The following PIK3R5 variants were observed in gnomAD, a reference collection of about 807,000 sequenced individuals.
The protein encoded by PIK3R5 is phosphoinositide 3-kinase regulatory subunit 5.
A neutral mutation model predicts 94.9 loss-of-function variants in PIK3R5; 32 were observed. That is an observed-to-expected ratio of 0.34 (90% CI 0.25 to 0.45). The LOEUF (loss-of-function observed/expected upper bound fraction) is 0.45. PIK3R5 is among the 20% of genes least tolerant of loss of function. PIK3R5 has a pLI of 1.00. For synonymous variants in PIK3R5, 443 were observed against 479.4 expected, an observed-to-expected ratio of 0.92 and a Z score of 0.99; for missense variants, 853 against 1,144.6, an observed-to-expected ratio of 0.75 and a Z score of 3.68.
Position 8,909,006 on chromosome 17 carries a change from T to A in PIK3R5, c.204+68A>T. The stretch of plus-strand genomic sequence containing the variant: ...CCAGGCACCCAGGAATGATGTTCTC[T>A]GGGACCTATTTCTCCACTCTACGAG... On this transcript the variant is annotated intron_variant, in intron 3 of 18. Transcript: ENST00000447110. This position sits in a 1 kb window ranked among gnomAD's most constrained non-coding sequence, Gnocchi z 4.3. 1.0e-6 allele frequency: 1 copy of A among 961,620 alleles called. No homozygotes were observed. Among genetic ancestry groups the A allele is most frequent in the South Asian group, 1.4e-5 (1 of 71,392 alleles). 59.6% of individuals were successfully genotyped at this position (961,620 alleles called of 1,614,324 possible).
At chr17:8,905,937 G>A (rs117474842) in intron 3 of PIK3R5, among the ~76,000 whole-genome samples, 200 bp from the exon 4 acceptor site, 1 of 151,576 alleles carries the variant, frequency 6.6e-6, no homozygotes, top group East Asian at 1.9e-4. Flanking sequence ...CCCAACCACA[G>A]CTGTTTCAAT....
intron 1 of PIK3R5, among the ~76,000 whole-genome samples, chr17:8,924,115 G>T (rs904506637): frequency 7.6e-6 from 1 of 130,908 alleles, no homozygotes; most frequent in South Asian, 2.4e-4. Context: ...GTCTTGCTCT[G>T]CCTCCCAGGC....
Position 8,940,986 on chromosome 17 carries a change from G to A in PIK3R5, c.-14+24610C>T, listed in dbSNP as rs1159264212. Reference sequence around the variant, plus strand: ...CATCCCCGCTCCTCTCTCAGCCTCAGTGTTCCAGTGGGTAAAGAAATGAGG... The same window carrying A: ...CATCCCCGCTCCTCTCTCAGCCTCAATGTTCCAGTGGGTAAAGAAATGAGG... On this transcript the variant is annotated intron_variant, in intron 1 of 18. Transcript: ENST00000447110. Among the ~76,000 whole-genome samples the A allele has an allele frequency of 2.0e-5, 3 of 152,152 alleles. No homozygotes were observed. In the East Asian group the frequency reaches 5.8e-4, roughly 29 times the overall value.
At chr17:8,920,582 T>C (rs1037172415) in intron 1 of PIK3R5, among the ~76,000 whole-genome samples, 6 of 152,236 alleles carry the variant, frequency 3.9e-5, no homozygotes, top group Admixed American at 3.9e-4. Flanking sequence ...AAGGCTATTT[T>C]TGGAATCCCT....
chr17:8,899,002 T>C (rs2090216629), intron 5 of PIK3R5, among the ~76,000 whole-genome samples: 1 of 152,274 alleles, frequency 6.6e-6, no homozygotes, highest in Admixed American at 6.5e-5. Context: ...GCGGTTTGCA[T>C]GTAAGATGCC....
At chr17:8,908,533 AC>A (rs2090445300) in intron 3 of PIK3R5, among the ~76,000 whole-genome samples, 1 of 113,928 alleles carries the variant, frequency 8.8e-6, no homozygotes, top group African/African-American at 3.7e-5. Flanking sequence ...TAATTAAAAC[AC>A]ACACACACAC....
intron 1 of PIK3R5, among the ~76,000 whole-genome samples, chr17:8,953,637 C>A (rs540363771): frequency 6.6e-6 from 1 of 152,328 alleles, no homozygotes; most frequent in South Asian, 2.1e-4. Flanking sequence ...CTTCAGAAGT[C>A]AGGTGGTAAG....
chr17:8,880,197 C>T lies in PIK3R5; in HGVS notation c.*442G>A, dbSNP rs1161467952. 6.4e-6 allele frequency: 1 copy of T among 156,890 alleles called. No homozygotes were observed. The highest frequency in any genetic ancestry group is 1.4e-5 in the Non-Finnish European group (1 of 71,578). The allele number at this position is 156,890 out of a possible 1,614,324, so 9.7% of individuals were successfully genotyped here. The stretch of plus-strand genomic sequence containing the variant: ...TCATCCACATTTCAATCACCTGAGC[C>T]CCACAGAGGAGGGGACTGAACTCCA... On this transcript the variant is annotated 3_prime_UTR_variant, in exon 19 of 19. Transcript: ENST00000447110.
rs1396039256 is a variant in PIK3R5 at position 8,893,429 on chromosome 17, G to A, written c.482+157C>T. ...CACAAAATATCACCAGCAGTGCCAG[G>A]GGGTTCCCAGTTCCCTGGAAGCCTG... On this transcript the variant is annotated intron_variant, in intron 6 of 18. Transcript: ENST00000447110. This position sits in a 1 kb window ranked among gnomAD's most constrained non-coding sequence, Gnocchi z 5.1. 6.6e-6 allele frequency among the ~76,000 whole-genome samples: 1 copy of A among 152,166 alleles called. No homozygotes were observed. Among genetic ancestry groups the A allele is most frequent in the Non-Finnish European group, 1.5e-5 (1 of 68,026 alleles).
intron 1 of PIK3R5, among the ~76,000 whole-genome samples, chr17:8,922,207 A>C (rs1243643706): frequency 6.6e-6 from 1 of 151,886 alleles, no homozygotes; most frequent in African/African-American, 2.4e-5. Flanking sequence ...GAGGAAGGTA[A>C]TTATTGAGTG....
At chr17:8,895,231 T>C (rs1425119543) in intron 5 of PIK3R5, among the ~76,000 whole-genome samples, 5 of 152,256 alleles carry the variant, frequency 3.3e-5, no homozygotes, top group African/African-American at 1.2e-4. Flanking sequence ...ATTCCCCATC[T>C]CCCTGACCAT....
intron 1 of PIK3R5, among the ~76,000 whole-genome samples, chr17:8,920,499 T>G (rs965523573): frequency 6.6e-6 from 1 of 152,228 alleles, no homozygotes; most frequent in East Asian, 1.9e-4. Context: ...AGGATAATCA[T>G]GCATCCCTCT....
At chr17:8,952,828 CA>C (rs1358732742) in intron 1 of PIK3R5, among the ~76,000 whole-genome samples, 6 of 152,078 alleles carry the variant, frequency 3.9e-5, no homozygotes, top group Admixed American at 6.5e-5. Context: ...TTTGAAAATG[CA>C]GGAAAGGTAG....
chr17:8,960,736 C>A lies in PIK3R5; in HGVS notation c.-14+4860G>T, dbSNP rs969439543. Among the ~76,000 whole-genome samples, 33 of 152,166 alleles carry A rather than the reference C, an allele frequency of 2.2e-4. 1 individual carries two copies. Among genetic ancestry groups the A allele is most frequent in the Non-Finnish European group, 5.9e-5 (4 of 68,020 alleles). Reference sequence around the variant, plus strand: ...CCACCTTCAGCCCTCACACCCCAGCCCTGCACTCTAACAAGGAAACCACAC... The same window carrying A: ...CCACCTTCAGCCCTCACACCCCAGCACTGCACTCTAACAAGGAAACCACAC... On this transcript the variant is annotated intron_variant, in intron 1 of 18. Coordinates refer to ENST00000447110, the MANE Select transcript of PIK3R5 (RefSeq NM_001142633.3).
In PIK3R5 at chr17:8,892,648, A is replaced by G. The variant is rs1313058597; in HGVS notation, c.482+938T>C. On this transcript the variant is annotated intron_variant, in intron 6 of 18. Coordinates refer to ENST00000447110, the MANE Select transcript of PIK3R5 (RefSeq NM_001142633.3). This position sits in a 1 kb window ranked among gnomAD's most constrained non-coding sequence, Gnocchi z 4.3. ...CCCAGAGGAATCTTATTTACTTACT[A>G]AACTACAACATTTTAGCATCCTTTC... Among the ~76,000 whole-genome samples, 2 of 152,178 alleles carry G rather than the reference A, an allele frequency of 1.3e-5. No individual in the cohort carries two copies. The highest frequency in any genetic ancestry group is 1.3e-4 in the Admixed American group (2 of 15,280).
chr17:8,912,123 G>C (rs376881435), intron 1 of PIK3R5: 1 of 152,430 alleles, frequency 6.6e-6, no homozygotes, highest in Non-Finnish European at 1.5e-5. Flanking sequence ...GACCTTCCCT[G>C]CCCTCCTTCC....
chr17:8,907,656 G>C (rs2090426301), intron 3 of PIK3R5, among the ~76,000 whole-genome samples: 1 of 151,102 alleles, frequency 6.6e-6, no homozygotes, highest in Non-Finnish European at 1.5e-5. Context: ...GAGAGAGAGA[G>C]AGAAATAGGG....
In PIK3R5 at chr17:8,899,040, A is replaced by G. The variant is rs141587964; in HGVS notation, c.413-5385T>C. 2.0e-5 allele frequency among the ~76,000 whole-genome samples: 3 copies of G among 152,342 alleles called. No homozygotes were observed. In the East Asian group the frequency reaches 5.8e-4, roughly 29 times the overall value. On this transcript the variant is annotated intron_variant, in intron 5 of 18. Transcript: ENST00000447110. ...ATGTCATCCCCCAGGTTTACAGGTAAATTCTTTGCAGGAAAGTATTGTGGT... is the reference window on the plus strand; with the variant it reads ...ATGTCATCCCCCAGGTTTACAGGTAGATTCTTTGCAGGAAAGTATTGTGGT...
At chr17:8,942,517 G>A (rs1001899720) in intron 1 of PIK3R5, among the ~76,000 whole-genome samples, 1 of 152,160 alleles carries the variant, frequency 6.6e-6, no homozygotes, top group Non-Finnish European at 1.5e-5. Context: ...AAGACAGTCT[G>A]CAGGAGGGGG....
Sources: gnomAD v4.1 joint callset for allele counts (sites outside exome capture counted in the v4.1 genomes callset) on GRCh38, gnomAD v4.1.1 for gene constraint, Gnocchi (gnomAD v3.1) non-coding constraint, MANE v1.5 for transcripts, NCBI Gene and HGNC (gene_info 2026-07-23, HGNC 2026-07-21) for gene names.